FNDC3A: variants seen among roughly 807,000 people sequenced by gnomAD.
FNDC3A encodes fibronectin type III domain containing 3A.
A neutral mutation model predicts 148.9 loss-of-function variants in FNDC3A; 32 were observed. That is an observed-to-expected ratio of 0.21 (90% CI 0.16 to 0.29). The LOEUF (loss-of-function observed/expected upper bound fraction) is 0.29, where lower values mean the gene tolerates loss of function less well. FNDC3A is among the 10% of genes least tolerant of loss of function. The pLI, the probability that FNDC3A is intolerant of heterozygous loss-of-function variation, is 1.00. For missense variants in FNDC3A, 1,191 were observed against 1,452.8 expected, an observed-to-expected ratio of 0.82 and a Z score of 2.93; for synonymous variants, 472 against 473.6, an observed-to-expected ratio of 1.00 and a Z score of 0.04.
At chr13:49,168,896 T>G (rs764095028) in intron 10 of FNDC3A, 145 bp downstream of exon 10, 2 of 737,154 alleles carry the variant, frequency 2.7e-6, no homozygotes, top group Non-Finnish European at 4.5e-6. Context: ...CTATTTAATG[T>G]ATCTTAAAAT....
intron 3 of FNDC3A, among the ~76,000 whole-genome samples, chr13:49,101,260 T>C (rs1020594622): frequency 6.6e-6 from 1 of 152,190 alleles, no homozygotes; most frequent in Admixed American, 6.6e-5. Flanking sequence ...TTCATTGATC[T>C]TTCCTTGGTC....
intron 18 of FNDC3A, 38 bp from the exon 19 acceptor site, chr13:49,191,171 T>G (rs1885864738): frequency 6.2e-7 from 1 of 1,603,962 alleles, no homozygotes; most frequent in Non-Finnish European, 8.5e-7. Flanking sequence ...CAGGAAGTAT[T>G]CGTCTTGTTA....
intron 15 of FNDC3A, 81 bp from the exon 16 acceptor site, chr13:49,187,041 G>A: frequency 1.0e-6 from 1 of 964,076 alleles, no homozygotes; most frequent in Non-Finnish European, 1.6e-6. Flanking sequence ...AACCTAGTTT[G>A]GTATTCTGTT....
At position 49,174,503 on chromosome 13, in the gene FNDC3A, T is replaced by G. The variant is rs1233022808; in HGVS notation, c.1299T>G (p.Leu433=). 6.2e-7 allele frequency: 1 copy of G among 1,612,806 alleles called. No individual in the cohort carries two copies. Among genetic ancestry groups the G allele is most frequent in the Admixed American group, 1.7e-5 (1 of 59,974 alleles). Residue 433 remains leucine, a synonymous_variant, in exon 12 of 26, where the codon CTT becomes CTG. Coordinates refer to ENST00000492622, the MANE Select transcript of FNDC3A (RefSeq NM_001079673.2). ...GSQKQFKITK[L]SPAMGCKFRL... ...AGAAACAATTTAAAATTACTAAACT[T>G]TCACCAGCAATGGGCTGTAAATTCA...
chr13:49,103,236 A>G (rs1226212698), intron 3 of FNDC3A, among the ~76,000 whole-genome samples: 1 of 152,230 alleles, frequency 6.6e-6, no homozygotes, highest in Non-Finnish European at 1.5e-5. Context: ...GTTCTTCATC[A>G]CTACCTTATG....
intron 2 of FNDC3A, among the ~76,000 whole-genome samples, chr13:49,018,078 T>C (rs1240319326): frequency 6.6e-6 from 1 of 151,558 alleles, no homozygotes; most frequent in African/African-American, 2.4e-5. Flanking sequence ...CAATTATGTG[T>C]CTTGGAGTTG....
chr13:49,172,242 G>A, intron 11 of FNDC3A, 146 bp downstream of exon 11: 1 of 474,416 alleles, frequency 2.1e-6, no homozygotes, highest in Non-Finnish European at 3.8e-6. Flanking sequence ...GTGGATTGAT[G>A]GTGTTTTCAG....
At chr13:49,049,023 G>A (rs567747491) in intron 2 of FNDC3A, among the ~76,000 whole-genome samples, 36 of 152,172 alleles carry the variant, frequency 2.4e-4, no homozygotes, top group African/African-American at 8.4e-4. Flanking sequence ...AATCATAAAG[G>A]GGTGCTGGAT....
At chr13:49,113,295 CCT>C (rs1469057820) in intron 3 of FNDC3A, among the ~76,000 whole-genome samples, 6 of 92,140 alleles carry the variant, frequency 6.5e-5, no homozygotes, top group South Asian at 4.7e-4. Flanking sequence ...TTTCCTTACC[CCT>C]GTTTAGTATT....
At chr13:49,115,986 C>T (rs961709919) in intron 4 of FNDC3A, among the ~76,000 whole-genome samples, 1 of 152,134 alleles carries the variant, frequency 6.6e-6, no homozygotes, top group African/African-American at 2.4e-5. Context: ...GATCTTCCTT[C>T]TCTTACATGA....
At chr13:48,998,818 A>G (rs534942155) in intron 1 of FNDC3A, among the ~76,000 whole-genome samples, 1 of 152,346 alleles carries the variant, frequency 6.6e-6, no homozygotes, top group East Asian at 1.9e-4. Flanking sequence ...CATGGGTGTA[A>G]ACCATGGACC....
Position 49,097,362 on chromosome 13 carries a change from A to AT in FNDC3A, c.176-17283dup, listed in dbSNP as rs533067416. On this transcript the variant is annotated intron_variant, in intron 3 of 25. Transcript: ENST00000492622. ...TGAGGGAAAGCCCTTGCTTTTTTACATTTTTTTTTTAAACACTTTTTCTTA... is the reference window on the plus strand; with the variant it reads ...TGAGGGAAAGCCCTTGCTTTTTTACATTTTTTTTTTTAAACACTTTTTCTTA... Among the ~76,000 whole-genome samples, 181 of 149,542 alleles carry AT rather than the reference A, an allele frequency of 1.2e-3. 1 individual carries two copies. The highest frequency in any genetic ancestry group is 3.3e-3 in the African/African-American group (133 of 40,914).
chr13:49,075,426 A>AC, intron 3 of FNDC3A, 62 bp downstream of exon 3: 2 of 882,950 alleles, frequency 2.3e-6, no homozygotes, highest in Non-Finnish European at 3.8e-6. Context: ...TTTATGATAC[A>AC]TAATAGTGTA....
At position 49,075,354 on chromosome 13, in the gene FNDC3A, G is replaced by C. The variant is rs758085923; in HGVS notation, c.165G>C (p.Gln55His). Reference sequence around the variant, plus strand: ...TAAGAAGAGAAGATGGACAGTTTCAGTGCATTACAGGTAAGAATGGTAATT... The same window carrying C: ...TAAGAAGAGAAGATGGACAGTTTCACTGCATTACAGGTAAGAATGGTAATT... ...FTIRREDGQF[Q>H]CITGPAQVPM... The change falls in exon 3 of 26, where the codon CAG (glutamine) becomes CAC (histidine). Residue 55 changes from glutamine (Q) to histidine (H), a missense_variant. Physicochemically the swap from Gln to His is conservative, Grantham distance 24. Transcript: ENST00000492622. The C allele has an allele frequency of 3.7e-5, 59 of 1,584,018 alleles. No homozygotes were observed. The highest frequency in any genetic ancestry group is 1.7e-4 in the Middle Eastern group (1 of 6,022).
At chr13:48,983,986 T>C (rs993166772) in intron 1 of FNDC3A, among the ~76,000 whole-genome samples, 3 of 151,900 alleles carry the variant, frequency 2.0e-5, no homozygotes, top group African/African-American at 7.3e-5. Context: ...AGCAAAAAAA[T>C]ATGAGATAAC....
intron 24 of FNDC3A, among the ~76,000 whole-genome samples, chr13:49,202,349 C>T (rs1474487299): frequency 6.6e-6 from 1 of 152,168 alleles, no homozygotes; most frequent in Non-Finnish European, 1.5e-5. Context: ...AAAGCTTGGT[C>T]ATCTGTTAAG....
At chr13:49,012,805 A>AT in intron 2 of FNDC3A, among the ~76,000 whole-genome samples, 1 of 134,618 alleles carries the variant, frequency 7.4e-6, no homozygotes, top group African/African-American at 2.9e-5. Context: ...GCAATTATAA[A>AT]TGTGTGTGTG....
chr13:49,020,605 G>A (rs1018468484), intron 2 of FNDC3A, among the ~76,000 whole-genome samples: 1 of 152,220 alleles, frequency 6.6e-6, no homozygotes, highest in Admixed American at 6.5e-5. Context: ...TGAACTACTT[G>A]CTGATCTCCA....
chr13:49,126,773 C>T (rs1486812825), intron 4 of FNDC3A, among the ~76,000 whole-genome samples: 1 of 152,134 alleles, frequency 6.6e-6, no homozygotes, highest in East Asian at 1.9e-4. Context: ...TAGTATGTAG[C>T]ATTGTTCCAA....
Sources: gnomAD v4.1 joint callset for allele counts (sites outside exome capture counted in the v4.1 genomes callset) on GRCh38, gnomAD v4.1.1 for gene constraint, MANE v1.5 for transcripts, NCBI Gene and HGNC (gene_info 2026-07-23, HGNC 2026-07-21) for gene names.